The following SLC26A7 variants were observed in gnomAD, a reference collection of about 807,000 sequenced individuals.
SLC26A7 encodes anion exchange transporter.
Under a neutral mutation model 82.5 loss-of-function variants are expected in SLC26A7, and 59 were observed. The observed-to-expected ratio is 0.72, with a 90% CI of 0.58 to 0.89. The LOEUF is 0.89. Ranked by LOEUF, SLC26A7 falls within the 40% of genes least tolerant of loss-of-function variation. The pLI is 0.00. For missense variants in SLC26A7, 820 were observed against 793.0 expected (o/e 1.03, Z -0.41); for synonymous variants, 271 against 274.3 (o/e 0.99, Z 0.12).
chr8:91,271,685 C>T (rs1350158645), intron 2 of SLC26A7, among the ~76,000 whole-genome samples: 2 of 150,486 alleles, frequency 1.3e-5, no homozygotes, highest in African/African-American at 4.9e-5. Context: ...AGTTCTGCCT[C>T]CCGGGTTCAC....
Position 91,308,529 on chromosome 8 carries a change from G to C in SLC26A7, c.478-9687G>C, listed in dbSNP as rs115868044. Among the ~76,000 whole-genome samples the C allele has an allele frequency of 5.1e-3, 769 of 152,202 alleles. 5 individuals carry two copies. Among genetic ancestry groups the C allele is most frequent in the African/African-American group, 0.018 (734 of 41,532 alleles). On this transcript the variant is annotated intron_variant, in intron 4 of 18. Transcript: ENST00000276609. ...TTAACTTGATCACCTGGCTGAGGTA[G>C]TACTTGTCAGTTACTCTATTTTCTC... is the stretch of plus-strand genomic sequence containing the variant.
At chr8:91,321,593 C>T (rs1208865276) in intron 5 of SLC26A7, among the ~76,000 whole-genome samples, 1 of 152,202 alleles carries the variant, frequency 6.6e-6, no homozygotes, top group East Asian at 1.9e-4. Context: ...TACTATATCC[C>T]TAAGAAGAGT....
chr8:91,277,070 A>G (rs1811426785), intron 2 of SLC26A7, among the ~76,000 whole-genome samples: 1 of 152,150 alleles, frequency 6.6e-6, no homozygotes. Flanking sequence ...TTTCCTTCGA[A>G]TACTGAGATG....
intron 4 of SLC26A7, among the ~76,000 whole-genome samples, chr8:91,306,937 C>G (rs2130792380): frequency 6.7e-6 from 1 of 149,788 alleles, no homozygotes; most frequent in South Asian, 2.1e-4. Context: ...ACAATGAACT[C>G]AAACAAATTT....
intron 15 of SLC26A7, among the ~76,000 whole-genome samples, chr8:91,387,145 T>G (rs1814822848): frequency 6.6e-6 from 1 of 152,192 alleles, no homozygotes; most frequent in Non-Finnish European, 1.5e-5. Flanking sequence ...CCAGTCAACA[T>G]TCCACTGTTG....
chr8:91,219,057 C>T lies in SLC26A7; in HGVS notation c.-34+52C>T, dbSNP rs1002954643. On this transcript the variant is annotated intron_variant, in intron 2 of 5. Transcript: ENST00000522862. ...CCACTTGCCCTGTCAGCTCTGCATA[C>T]ACAGATTATGCCCTACTTAAGATAC... 17 of 880,566 alleles carry T rather than the reference C, an allele frequency of 1.9e-5. No individual in the cohort carries two copies. In the Admixed American group the frequency reaches 2.1e-4, roughly 11 times the overall value. 54.5% of individuals were successfully genotyped at this position (880,566 alleles called of 1,614,324 possible).
At chr8:91,286,074 A>C (rs900940581) in intron 2 of SLC26A7, among the ~76,000 whole-genome samples, 1 of 152,198 alleles carries the variant, frequency 6.6e-6, no homozygotes, top group African/African-American at 2.4e-5. Flanking sequence ...GTCACTTTCT[A>C]GTGATCTCAG....
intron 9 of SLC26A7, among the ~76,000 whole-genome samples, chr8:91,347,221 A>G (rs961903745): frequency 6.6e-6 from 1 of 152,198 alleles, no homozygotes; most frequent in Non-Finnish European, 1.5e-5. Flanking sequence ...GTCAGGCTGG[A>G]CAGTTCTTTT....
At chr8:91,256,957 C>T (rs1810820648) in intron 2 of SLC26A7, among the ~76,000 whole-genome samples, 1 of 152,058 alleles carries the variant, frequency 6.6e-6, no homozygotes, top group Non-Finnish European at 1.5e-5. Context: ...GTATCTGTTG[C>T]CCAGCTTGCT....
intron 4 of SLC26A7, among the ~76,000 whole-genome samples, chr8:91,314,365 G>T (rs577396546): frequency 1.3e-5 from 2 of 152,272 alleles, no homozygotes; most frequent in South Asian, 4.1e-4. Flanking sequence ...CTCTTGCAAA[G>T]CCTGTGTTGC....
upstream of SLC26A7, among the ~76,000 whole-genome samples, chr8:91,245,210 C>T (rs1229939401): frequency 1.3e-5 from 2 of 152,082 alleles, no homozygotes; most frequent in Non-Finnish European, 2.9e-5. Context: ...TGTTATGTGT[C>T]ATTGGGATTG....
intron 4 of SLC26A7, among the ~76,000 whole-genome samples, chr8:91,298,552 TGTAC>T (rs1812077937): frequency 6.6e-6 from 1 of 152,146 alleles, no homozygotes; most frequent in Admixed American, 6.6e-5. Flanking sequence ...AAGTCATCAT[TGTAC>T]CTAGCATAGA....
chr8:91,313,569 C>G (rs536629378), intron 4 of SLC26A7, among the ~76,000 whole-genome samples: 2 of 152,270 alleles, frequency 1.3e-5, no homozygotes, highest in East Asian at 3.9e-4. Flanking sequence ...ACACAGGGCT[C>G]TTTAACATTT....
intron 15 of SLC26A7, among the ~76,000 whole-genome samples, chr8:91,378,569 A>G (rs1814583840): frequency 6.6e-6 from 1 of 151,500 alleles, no homozygotes; most frequent in South Asian, 2.1e-4. Context: ...GGAAAAGGGG[A>G]AACTAGTCTG....
chr8:91,240,208 C>G (rs1586313971), intron 2 of SLC26A7, among the ~76,000 whole-genome samples: 1 of 152,076 alleles, frequency 6.6e-6, no homozygotes, highest in African/African-American at 2.4e-5. Context: ...TTTTGTTATG[C>G]TCCTTTTGAC....
At chr8:91,253,980 A>G (rs1406615199) in intron 2 of SLC26A7, among the ~76,000 whole-genome samples, 2 of 152,156 alleles carry the variant, frequency 1.3e-5, no homozygotes, top group Non-Finnish European at 2.9e-5. Context: ...ATGTTTTATT[A>G]TATAAATAAA....
intron 2 of SLC26A7, among the ~76,000 whole-genome samples, chr8:91,269,590 G>A (rs544652141): frequency 2.5e-4 from 38 of 151,890 alleles, no homozygotes; most frequent in Non-Finnish European, 3.2e-4. Context: ...ACCATAATTC[G>A]CCTTGGGAAT....
At chr8:91,329,539 G>A (rs1262362481) in intron 5 of SLC26A7, among the ~76,000 whole-genome samples, 3 of 151,950 alleles carry the variant, frequency 2.0e-5, no homozygotes, top group African/African-American at 7.3e-5. Flanking sequence ...TTCATTCTGG[G>A]GTGGTCATTT....
Position 91,351,870 on chromosome 8 carries a change from C to T in SLC26A7, c.1201C>T (p.Leu401Phe). 6.2e-7 allele frequency: 1 copy of T among 1,611,862 alleles called. No individual in the cohort carries two copies. Among genetic ancestry groups the T allele is most frequent in the South Asian group, 1.1e-5 (1 of 91,026 alleles). ...AGTCATCTATGCAATAGGACCTTTG[C>T]TTTACTGGCTGCCCATGGTACGGTA... ...LIVIYAIGPL[L>F]YWLPMCVLAS... The change falls in exon 10 of 19, where the codon CTT becomes TTT. Residue 401 changes from leucine to phenylalanine, a missense_variant. Transcript: ENST00000276609.
Sources: gnomAD v4.1 joint callset for allele counts (sites outside exome capture counted in the v4.1 genomes callset) on GRCh38, gnomAD v4.1.1 for gene constraint, MANE v1.5 for transcripts, NCBI Gene and HGNC (gene_info 2026-07-23, HGNC 2026-07-21) for gene names.